Variants in FAM149A observed in about 807,000 individuals in gnomAD.
FAM149A encodes the protein family with sequence similarity 149 member A.
Under a neutral mutation model 78.2 loss-of-function variants are expected in FAM149A, and 71 were observed. The observed-to-expected ratio is 0.91, with a 90% CI of 0.75 to 1.11. FAM149A has a LOEUF of 1.11. FAM149A is among the 50% of genes least tolerant of loss of function. The pLI is 0.00. For synonymous variants in FAM149A, 446 were observed against 410.5 expected (o/e 1.09, Z -1.04); for missense variants, 1,036 against 971.0 (o/e 1.07, Z -0.89).
At chr4:186,127,461 G>A (rs2099318810) in intron 1 of FAM149A, 1 of 985,322 alleles carries the variant, frequency 1.0e-6, no homozygotes, top group African/African-American at 1.7e-5. Flanking sequence ...TCAAGAGGCT[G>A]GCCTCTCCAA....
intron 8 of FAM149A, 68 bp downstream of exon 8, chr4:186,157,787 C>A: frequency 6.4e-7 from 1 of 1,563,544 alleles, no homozygotes; most frequent in South Asian, 1.2e-5. Flanking sequence ...GTTTGTCGTT[C>A]TGTTAAACTG....
intron 4 of FAM149A, among the ~76,000 whole-genome samples, chr4:186,152,455 T>G (rs1187547917): frequency 6.6e-6 from 1 of 151,974 alleles, no homozygotes; most frequent in Admixed American, 6.6e-5. Context: ...CCATTCCTTA[T>G]GTAGGGAGGA....
Position 186,162,927 on chromosome 4 carries a change from C to T in FAM149A, c.1658C>T (p.Ala553Val), listed in dbSNP as rs781205660. 3 of 1,608,782 alleles carry T rather than the reference C, an allele frequency of 1.9e-6. No individual in the cohort carries two copies. The highest frequency in any genetic ancestry group is 2.2e-5 in the East Asian group (1 of 44,786). Residue 553 changes from alanine to valine, a missense_variant, in exon 9 of 14, where the codon GCC (alanine) becomes GTC (valine). Physicochemically the swap from Ala to Val is moderately conservative, Grantham distance 64. Transcript: ENST00000389354. ...GCAAAACCGCTTCAGCGGAGACCTG[C>T]CTATTTTGCTGACAGAACGCAGTAC...
chr4:186,133,276 G>A, intron 1 of FAM149A: 1 of 841,768 alleles, frequency 1.2e-6, no homozygotes, highest in Non-Finnish European at 1.4e-6. Context: ...TCACAGTGTT[G>A]TGCAGTCACC....
At chr4:186,125,161 A>G (rs2099317765) in intron 1 of FAM149A, 1 of 666,326 alleles carries the variant, frequency 1.5e-6, no homozygotes, top group Admixed American at 6.3e-5. Flanking sequence ...CATACAAGTC[A>G]ATGACTGGAC....
At position 186,125,442 on chromosome 4, in the gene FAM149A, C is replaced by T. The variant is rs181835692; in HGVS notation, c.566+19800C>T. The T allele has an allele frequency of 5.0e-5, 33 of 666,334 alleles. No homozygotes were observed. In the African/African-American group the frequency reaches 6.3e-4, roughly 13 times the overall value. 41.3% of individuals were successfully genotyped at this position (666,334 alleles called of 1,614,324 possible). On this transcript the variant is annotated intron_variant, in intron 1 of 13. Transcript: ENST00000389354. ...CAAACACAGTAATGACGCTGCCTCTCGGGAGCTGATCAGAGCACGCTGGGA... is the reference window on the plus strand; with the variant it reads ...CAAACACAGTAATGACGCTGCCTCTTGGGAGCTGATCAGAGCACGCTGGGA...
intron 1 of FAM149A, chr4:186,125,968 G>A: frequency 1.0e-6 from 1 of 985,356 alleles, no homozygotes; most frequent in Non-Finnish European, 1.2e-6. Flanking sequence ...CTGCCCGGAG[G>A]CTGGATGACC....
intron 4 of FAM149A, among the ~76,000 whole-genome samples, chr4:186,152,415 C>T (rs372643053): frequency 2.0e-5 from 3 of 151,988 alleles, no homozygotes; most frequent in East Asian, 1.9e-4. Flanking sequence ...ATTTGCTGAA[C>T]GGCTGGATAG....
chr4:186,145,279 C>T (rs1255138760), intron 1 of FAM149A, among the ~76,000 whole-genome samples: 3 of 152,146 alleles, frequency 2.0e-5, no homozygotes, highest in Non-Finnish European at 4.4e-5. Context: ...CGTTCGCCGC[C>T]AAAGGGACTC....
chr4:186,155,032 G>A (rs1046259980), intron 6 of FAM149A: 32 of 717,148 alleles, frequency 4.5e-5, no homozygotes, highest in Admixed American at 1.3e-4. Flanking sequence ...GTGCGAGCTC[G>A]GCTGACTGCA....
chr4:186,172,696 C>T lies in FAM149A; in HGVS notation c.*709C>T, dbSNP rs1260205984. ...TGATGTCATCTTTATTGTTTACAGT[C>T]GAAGCTCCTCCATGGGAGGGGAGCC... On this transcript the variant is annotated 3_prime_UTR_variant, in exon 14 of 14. Coordinates refer to ENST00000389354, the MANE Select transcript of FAM149A (RefSeq NM_001367768.3). 2 of 111,972 alleles carry T rather than the reference C, an allele frequency of 1.8e-5. No individual in the cohort carries two copies. Among genetic ancestry groups the T allele is most frequent in the Non-Finnish European group, 4.5e-5 (2 of 44,236 alleles). The allele number at this position is 111,972 out of a possible 1,614,324, so 6.9% of individuals were successfully genotyped here.
At chr4:186,108,923 C>G (rs1168153057) in intron 1 of FAM149A, 1 of 150,904 alleles carries the variant, frequency 6.6e-6, no homozygotes, top group African/African-American at 2.4e-5. Context: ...TCTCGGCTCA[C>G]TGCAAGCTCC....
chr4:186,155,247 T>C (rs1733957905), intron 6 of FAM149A, among the ~76,000 whole-genome samples: 1 of 152,226 alleles, frequency 6.6e-6, no homozygotes, highest in South Asian at 2.1e-4. Context: ...ATTACAGGCG[T>C]GAGCCACTGT....
At chr4:186,148,033 A>G (rs1733194031) in intron 1 of FAM149A, among the ~76,000 whole-genome samples, 1 of 152,228 alleles carries the variant, frequency 6.6e-6, no homozygotes, top group African/African-American at 2.4e-5. Flanking sequence ...TGTTTTAAAA[A>G]TTCTCTTTGT....
At chr4:186,160,749 CCACACCACA>C (rs1734535924) in intron 8 of FAM149A, 3 of 964,532 alleles carry the variant, frequency 3.1e-6, no homozygotes, top group African/African-American at 3.7e-5. Flanking sequence ...ACACACCACA[CCACACCACA>C]CACACACCAC....
chr4:186,136,990 C>CTCTCTT (rs2099323449), intron 1 of FAM149A, among the ~76,000 whole-genome samples: 2 of 92,884 alleles, frequency 2.2e-5, no homozygotes, highest in African/African-American at 3.2e-5. Context: ...CTCTCTCTCT[C>CTCTCTT]TCTCTCTCTC....
chr4:186,115,433 G>C (rs578226653), intron 1 of FAM149A, among the ~76,000 whole-genome samples: 34 of 147,820 alleles, frequency 2.3e-4, no homozygotes, highest in African/African-American at 6.2e-4. Context: ...TTCCATTGCT[G>C]GTGAGGAACT....
At chr4:186,166,874 A>G in intron 11 of FAM149A, 94 bp from the exon 12 acceptor site, 9 of 1,266,790 alleles carry the variant, frequency 7.1e-6, no homozygotes, top group Non-Finnish European at 1.0e-5. Flanking sequence ...AAGTTTCCAA[A>G]TAGATGAGTG....
chr4:186,165,125 T>A (rs1734928305), intron 10 of FAM149A, among the ~76,000 whole-genome samples: 1 of 152,168 alleles, frequency 6.6e-6, no homozygotes, highest in Non-Finnish European at 1.5e-5. Flanking sequence ...ACCTCCATCC[T>A]CTGTCTTTCA....
Sources: allele counts gnomAD v4.1 joint callset (sites outside exome capture counted in the v4.1 genomes callset), GRCh38; gene constraint gnomAD v4.1.1; transcripts MANE v1.5; gene names NCBI Gene and HGNC (gene_info 2026-07-23, HGNC 2026-07-21).